PPARGC1B: variants seen among roughly 807,000 people sequenced by gnomAD.
PPARGC1B encodes peroxisome proliferator-activated receptor gamma coactivator 1-beta.
Under a neutral mutation model 101.6 loss-of-function variants are expected in PPARGC1B, and 34 were observed. The observed-to-expected ratio is 0.33, with a 90% confidence interval of 0.25 to 0.45. PPARGC1B has a LOEUF of 0.45. Among genes scored for constraint, PPARGC1B ranks in the 20% least tolerant of loss-of-function variants. The pLI, the probability that PPARGC1B is intolerant of heterozygous loss-of-function variation, is 1.00. For missense variants in PPARGC1B, 1,234 were observed against 1,317.6 expected (o/e 0.94, Z 0.98); for synonymous variants, 548 against 539.3 (o/e 1.02, Z -0.22).
intron 1 of PPARGC1B, among the ~76,000 whole-genome samples, chr5:149,780,152 G>A (rs1365540359): frequency 6.6e-6 from 1 of 152,188 alleles, no homozygotes; most frequent in African/African-American, 2.4e-5. Flanking sequence ...GGAGACAGAC[G>A]GGAGCAGAGC....
chr5:149,777,202 T>C (rs1164400182), intron 1 of PPARGC1B, among the ~76,000 whole-genome samples: 1 of 152,200 alleles, frequency 6.6e-6, no homozygotes, highest in African/African-American at 2.4e-5. Context: ...ACTTAGTATA[T>C]GCCCTGGCTT....
intron 1 of PPARGC1B, among the ~76,000 whole-genome samples, chr5:149,760,146 T>G (rs1208451796): frequency 2.0e-5 from 3 of 152,142 alleles, no homozygotes; most frequent in African/African-American, 7.2e-5. Flanking sequence ...GGCTGTGTAC[T>G]CAGCACCATG....
intron 1 of PPARGC1B, among the ~76,000 whole-genome samples, chr5:149,731,944 C>T (rs1754495312): frequency 6.6e-6 from 1 of 152,078 alleles, no homozygotes; most frequent in Non-Finnish European, 1.5e-5. Context: ...CGGTGGCGGG[C>T]GCGCTCGGGT....
Position 149,846,017 on chromosome 5 carries a change from T to A in PPARGC1B, c.2971+103T>A, listed in dbSNP as rs748069828. On this transcript the variant is annotated intron_variant, in intron 11 of 11. Transcript: ENST00000309241. ...AGCTAAAGCGCCTTGTGGACATAGC[T>A]TCCATCCCCACACCCCAGTGTGCTG... 4.3e-6 allele frequency: 6 copies of A among 1,383,800 alleles called. No homozygotes were observed. The Admixed American group carries it at 1.1e-4, about 25-fold the overall frequency. 85.7% of individuals were successfully genotyped at this position (1,383,800 alleles called of 1,614,324 possible).
In PPARGC1B at chr5:149,826,682, G is replaced by A; in HGVS notation, c.262G>A (p.Glu88Lys). The change falls in exon 3 of 12, where the codon GAG becomes AAG. Residue 88 changes from glutamate to lysine, a missense_variant. By Grantham distance (56) the Glu-to-Lys change is moderately conservative. Transcript: ENST00000309241. ...DDSELFQIDS[E>K]NEALLAELTK... Reference sequence around the variant, plus strand: ...GCCCTCCTCACTCCAGATTGACAGTGAGAATGAGGCCCTCCTGGCAGAGCT... The same window carrying A: ...GCCCTCCTCACTCCAGATTGACAGTAAGAATGAGGCCCTCCTGGCAGAGCT... The A allele has an allele frequency of 6.2e-7, 1 of 1,613,802 alleles. No individual in the cohort carries two copies. Among genetic ancestry groups the A allele is most frequent in the Non-Finnish European group, 8.5e-7 (1 of 1,179,768 alleles).
chr5:149,734,414 C>G (rs1754616115), intron 1 of PPARGC1B, among the ~76,000 whole-genome samples: 1 of 142,784 alleles, frequency 7.0e-6, no homozygotes, highest in African/African-American at 2.6e-5. Flanking sequence ...TTTTTTTTTC[C>G]TCTTCCAAAC....
At position 149,730,821 on chromosome 5, in the gene PPARGC1B, C is replaced by G. The variant is rs1415048894; in HGVS notation, c.78+401C>G. On this transcript the variant is annotated intron_variant, in intron 1 of 11. Coordinates refer to ENST00000309241, the MANE Select transcript of PPARGC1B (RefSeq NM_133263.4). This position sits in a 1 kb window ranked among gnomAD's most constrained non-coding sequence, Gnocchi z 4.0. ...ACTTGCTGCCGTACTTTCACGTGGA[C>G]TTGTGGCCCCGGCACGGGTGCATGC... Among the ~76,000 whole-genome samples the G allele has an allele frequency of 1.3e-5, 2 of 152,234 alleles. No individual in the cohort carries two copies. The highest frequency in any genetic ancestry group is 2.9e-5 in the Non-Finnish European group (2 of 68,028).
intron 4 of PPARGC1B, 34 bp downstream of exon 4, chr5:149,830,917 G>GGGTAGA: frequency 1.4e-6 from 2 of 1,440,048 alleles, no homozygotes; most frequent in Non-Finnish European, 2.0e-6. Flanking sequence ...TCTACCCCAG[G>GGGTAGA]TGTCTGTTGG....
At chr5:149,817,496 G>C (rs17110512) in intron 1 of PPARGC1B, 3 of 340,916 alleles carry the variant, frequency 8.8e-6, no homozygotes, top group African/African-American at 4.3e-5. Flanking sequence ...CACAAAGAGC[G>C]TGAAAAGATA....
intron 1 of PPARGC1B, among the ~76,000 whole-genome samples, chr5:149,763,810 C>T (rs989920356): frequency 2.6e-5 from 4 of 151,228 alleles, no homozygotes; most frequent in South Asian, 2.1e-4. Flanking sequence ...ATTTTTGAGA[C>T]GGAGTCTCTG....
At chr5:149,814,982 G>A (rs967441700) in intron 1 of PPARGC1B, among the ~76,000 whole-genome samples, 2 of 152,208 alleles carry the variant, frequency 1.3e-5, no homozygotes, top group East Asian at 1.9e-4. Context: ...CAAACTTGCT[G>A]TATGACTTGG....
intron 1 of PPARGC1B, among the ~76,000 whole-genome samples, chr5:149,795,972 C>A (rs1757199208): frequency 6.6e-6 from 1 of 152,072 alleles, no homozygotes; most frequent in Non-Finnish European, 1.5e-5. Flanking sequence ...GAGCTCAGCC[C>A]ATTTTCCCAC....
At chr5:149,804,661 C>T (rs180707274) in intron 1 of PPARGC1B, among the ~76,000 whole-genome samples, 57 of 152,248 alleles carry the variant, frequency 3.7e-4, no homozygotes, top group African/African-American at 1.1e-3. Flanking sequence ...CAGAGTGAGA[C>T]GCTGTCTCAA....
chr5:149,783,541 G>T (rs1756672023), intron 1 of PPARGC1B, among the ~76,000 whole-genome samples: 1 of 152,174 alleles, frequency 6.6e-6, no homozygotes, highest in African/African-American at 2.4e-5. Context: ...CCCCAGGCCA[G>T]TGCCCAGGAG....
chr5:149,743,280 TG>T (rs1561848199), intron 1 of PPARGC1B, among the ~76,000 whole-genome samples: 1 of 151,476 alleles, frequency 6.6e-6, no homozygotes, highest in African/African-American at 2.4e-5. Context: ...CTCAGCCTCC[TG>T]AGTAGCTGGG....
intron 11 of PPARGC1B, chr5:149,846,664 TG>T: frequency 6.6e-6 from 1 of 150,802 alleles, no homozygotes; most frequent in Non-Finnish European, 1.5e-5. Flanking sequence ...AAACACTTAC[TG>T]GAGAGAATCC....
At chr5:149,747,101 G>A (rs577421748) in intron 1 of PPARGC1B, among the ~76,000 whole-genome samples, 6 of 152,166 alleles carry the variant, frequency 3.9e-5, no homozygotes, top group Admixed American at 1.3e-4. Context: ...TAATTTTCAC[G>A]TAGTCTAATT....
chr5:149,775,083 G>C (rs1285592997), intron 1 of PPARGC1B, among the ~76,000 whole-genome samples: 1 of 152,126 alleles, frequency 6.6e-6, no homozygotes, highest in East Asian at 1.9e-4. Context: ...TGGCAGCTGA[G>C]GGTTGTGTAG....
chr5:149,833,238 T>G lies in PPARGC1B; in HGVS notation c.1165T>G (p.Ser389Ala), dbSNP rs1323143257. 2 of 1,613,070 alleles carry G rather than the reference T, an allele frequency of 1.2e-6. No individual in the cohort carries two copies. Among genetic ancestry groups the G allele is most frequent in the African/African-American group, 1.3e-5 (1 of 74,900 alleles). ...CAGTCAGGCCTCCCCTGGTCGCCCG[T>G]CCTCGGTGGAGGAGGTAAGGATCGC... is the stretch of plus-strand genomic sequence containing the variant. ...KDSQASPGRP[S>A]SVEEVRIAAS... is the part of the protein sequence containing the mutation. Residue 389 changes from serine to alanine, a missense_variant, in exon 5 of 12, where the codon TCC becomes GCC. Transcript: ENST00000309241. The surrounding 1 kb of genome is among the most constrained non-coding windows in gnomAD (Gnocchi z 4.1).
Sources: gnomAD v4.1 joint callset for allele counts (sites outside exome capture counted in the v4.1 genomes callset) on GRCh38, gnomAD v4.1.1 for gene constraint, Gnocchi (gnomAD v3.1) non-coding constraint, MANE v1.5 for transcripts, NCBI Gene and HGNC (gene_info 2026-07-23, HGNC 2026-07-21) for gene names.